Variants in UBE4A observed in about 807,000 individuals in gnomAD.
The protein encoded by UBE4A is ubiquitin conjugation factor E4 A.
UBE4A carries 48 observed loss-of-function variants against 117.9 expected under a neutral mutation model. That is an observed-to-expected ratio of 0.41 (90% CI 0.32 to 0.52). The LOEUF is 0.52. Among genes scored for constraint, UBE4A ranks in the 20% least tolerant of loss-of-function variants. The pLI is 0.33. For missense variants in UBE4A, 1,067 were observed against 1,296.3 expected (o/e 0.82, Z 2.72); for synonymous variants, 407 against 450.0 (o/e 0.90, Z 1.21).
chr11:118,376,552 T>C (rs1355251849), intron 9 of UBE4A, 22 bp from the exon 10 acceptor site: 28 of 1,600,042 alleles, frequency 1.7e-5, no homozygotes, highest in Non-Finnish European at 2.2e-5. Context: ...TTACCCTCTT[T>C]TTTTTTTTTA....
rs531501443 is a variant in UBE4A, at chr11:118,382,327, C to G, written c.2010-262C>G. Among the ~76,000 whole-genome samples the G allele has an allele frequency of 3.6e-3, 553 of 152,142 alleles. 1 individual carries two copies. The highest frequency in any genetic ancestry group is 7.6e-3 in the African/African-American group (315 of 41,526). ...ATTATTACAGAGAAGTAAACAATGG[C>G]TAAGCATTCAATAGAAACTTAAGTG... On this transcript the variant is annotated intron_variant, in intron 12 of 19. Coordinates refer to ENST00000252108, the MANE Select transcript of UBE4A (RefSeq NM_001204077.2).
At chr11:118,390,907 C>G (rs2134111876) in intron 18 of UBE4A, 103 bp downstream of exon 18, 1 of 1,453,296 alleles carries the variant, frequency 6.9e-7, no homozygotes, top group East Asian at 2.5e-5. Flanking sequence ...GAGCCTAAGG[C>G]TAGAGGATCA....
At chr11:118,368,376 T>G (rs1215736743) in intron 2 of UBE4A, among the ~76,000 whole-genome samples, 1 of 152,332 alleles carries the variant, frequency 6.6e-6, no homozygotes, top group East Asian at 1.9e-4. Flanking sequence ...AAGATAACTT[T>G]GCTATTTCTG....
chr11:118,372,274 A>G (rs996346809), intron 5 of UBE4A, among the ~76,000 whole-genome samples: 3 of 152,202 alleles, frequency 2.0e-5, no homozygotes. Flanking sequence ...AAAAGGGCTC[A>G]TGAATTCATT....
In UBE4A at chr11:118,382,673, G is replaced by A. The variant is rs1948716052; in HGVS notation, c.2094G>A (p.Leu698=). 1.2e-6 allele frequency: 2 copies of A among 1,604,264 alleles called. No homozygotes were observed. The change falls in exon 13 of 20, where the codon TTG becomes TTA. Residue 698 remains leucine, a synonymous_variant. Transcript: ENST00000252108. ...MPHLDQTPNP[L]VSSVFHRKRV... The stretch of plus-strand genomic sequence containing the variant: ...ACCTGGATCAGACCCCAAATCCCTT[G>A]GTATCCAGTGTGTTCCACCGGAAAC...
intron 6 of UBE4A, 104 bp downstream of exon 6, chr11:118,372,770 AAATT>A: frequency 1.3e-6 from 2 of 1,524,974 alleles, no homozygotes; most frequent in Admixed American, 2.0e-5. Context: ...GTTCTGGTAT[AAATT>A]AAGGAGGAGG....
Position 118,382,665 on chromosome 11 carries a change from A to T in UBE4A, c.2086A>T (p.Asn696Tyr), listed in dbSNP as rs146188551. ...AVMPHLDQTP[N>Y]PLVSSVFHRK... ...GATGCCCCACCTGGATCAGACCCCA[A>T]ATCCCTTGGTATCCAGTGTGTTCCA... Residue 696 changes from asparagine (N) to tyrosine (Y), a missense_variant, in exon 13 of 20, where the codon AAT (asparagine) becomes TAT (tyrosine). This residue lies in a region of UBE4A where 1,001 missense variants were observed against 1,184.0 expected (regional missense o/e 0.85). Coordinates refer to ENST00000252108, the MANE Select transcript of UBE4A (RefSeq NM_001204077.2). 1 of 1,605,858 alleles carries T rather than the reference A, an allele frequency of 6.2e-7. No homozygotes were observed. Among genetic ancestry groups the T allele is most frequent in the South Asian group, 1.1e-5 (1 of 89,386 alleles).
intron 18 of UBE4A, among the ~76,000 whole-genome samples, chr11:118,392,355 ACT>A (rs879995770): frequency 2.0e-5 from 3 of 152,106 alleles, no homozygotes; most frequent in Admixed American, 2.0e-4. Context: ...TGCATGAGTG[ACT>A]CTAATTATGC....
chr11:118,375,019 A>G lies in UBE4A; in HGVS notation c.1240A>G (p.Thr414Ala), dbSNP rs572068322. The change falls in exon 9 of 20, where the codon ACC becomes GCC. Residue 414 changes from threonine to alanine, a missense_variant. This residue lies in a region of UBE4A where 1,001 missense variants were observed against 1,184.0 expected (regional missense o/e 0.85). Coordinates refer to ENST00000252108, the MANE Select transcript of UBE4A (RefSeq NM_001204077.2). ...GNCLHANAGR[T>A]KIWANQMPEI... ...CTGTTTGCATGCAAATGCAGGCCGC[A>G]CCAAGATTTGGGCCAATCAGATGCC... 1.1e-5 allele frequency: 18 copies of G among 1,614,062 alleles called. No homozygotes were observed. The East Asian group carries it at 3.6e-4, about 32-fold the overall frequency.
rs1335593895 is a variant in UBE4A, at chr11:118,372,542, A to G, written c.597A>G (p.Ala199=). The G allele has an allele frequency of 1.9e-6, 3 of 1,613,058 alleles. No individual in the cohort carries two copies. Among genetic ancestry groups the G allele is most frequent in the Non-Finnish European group, 2.5e-6 (3 of 1,179,790 alleles). Residue 199 remains alanine, a synonymous_variant, in exon 6 of 20, where the codon GCA becomes GCG. Transcript: ENST00000252108. ...TTCCAGAGAACCTGCTACCCTTTGC[A>G]GTGCAGTGCAGAAACCTCACTGTGT... ...TKVPENLLPF[A]VQCRNLTVSN...
At chr11:118,372,963 A>C (rs1948621000) in intron 6 of UBE4A, 123 bp from the exon 7 acceptor site, 1 of 1,003,376 alleles carries the variant, frequency 1.0e-6, no homozygotes, top group African/African-American at 1.6e-5. Context: ...CAGGCTGAGC[A>C]AAAAAACAAG....
At chr11:118,381,221 C>T (rs1555126273) in intron 11 of UBE4A, among the ~76,000 whole-genome samples, 170 bp from the exon 12 acceptor site, 4 of 152,138 alleles carry the variant, frequency 2.6e-5, no homozygotes, top group African/African-American at 9.7e-5. Context: ...AATTGACTTA[C>T]ATTTAAAGGA....
chr11:118,395,547 A>G (rs1555129496), intron 19 of UBE4A, among the ~76,000 whole-genome samples: 1 of 152,230 alleles, frequency 6.6e-6, no homozygotes, highest in Non-Finnish European at 1.5e-5. Context: ...CATAATCTGC[A>G]TGTACTTGCA....
In UBE4A at chr11:118,379,531, G is replaced by T. The variant is rs544649598; in HGVS notation, c.1657G>T (p.Ala553Ser). The change falls in exon 11 of 20, where the codon GCT becomes TCT. Residue 553 changes from alanine to serine, a missense_variant. This residue lies in a region of UBE4A where 1,001 missense variants were observed against 1,184.0 expected (regional missense o/e 0.85). Coordinates refer to ENST00000252108, the MANE Select transcript of UBE4A (RefSeq NM_001204077.2). The part of the protein sequence containing the change: ...WRDAQQSSSP[A>S]ADNLREQFER... ...GGATGCTCAGCAAAGTTCTAGCCCT[G>T]CTGCTGACAATCTTCGTGAGCAGTT... 63 of 1,614,204 alleles carry T rather than the reference G, an allele frequency of 3.9e-5. No individual in the cohort carries two copies. In the Admixed American group the frequency reaches 9.8e-4, roughly 25 times the overall value.
Position 118,390,657 on chromosome 11 carries a change from G to A in UBE4A, c.2769G>A (p.Gly923=), listed in dbSNP as rs1555128213. The change falls in exon 18 of 20, where the codon GGG becomes GGA. Residue 923 remains glycine, a splice_region_variant and synonymous_variant. Transcript: ENST00000252108. ...TTTTTTTCTGATGCTAATGTTCCAG[G>A]GATGAGGAGAATTTCTGTGCCACTG... ...SDICTIYLNL[G]DEENFCATVP... is the part of the protein sequence containing the mutation. 6.6e-7 allele frequency: 1 copy of A among 1,510,298 alleles called. No individual in the cohort carries two copies. Among genetic ancestry groups the A allele is most frequent in the Non-Finnish European group, 8.8e-7 (1 of 1,133,612 alleles). 93.6% of individuals were successfully genotyped at this position (1,510,298 alleles called of 1,614,324 possible).
In UBE4A at chr11:118,379,508, A is replaced by G. The variant is rs1480638146; in HGVS notation, c.1634A>G (p.Asp545Gly). The G allele has an allele frequency of 6.2e-7, 1 of 1,614,148 alleles. No homozygotes were observed. The highest frequency in any genetic ancestry group is 8.5e-7 in the Non-Finnish European group (1 of 1,180,006). ...CATCGGCTGCAGGTTGCCTGGCGGGATGCTCAGCAAAGTTCTAGCCCTGCT... is the reference window on the plus strand; with the variant it reads ...CATCGGCTGCAGGTTGCCTGGCGGGGTGCTCAGCAAAGTTCTAGCCCTGCT... ...NLHRLQVAWR[D>G]AQQSSSPAAD... Residue 545 changes from aspartate to glycine, a missense_variant, in exon 11 of 20, where the codon GAT (aspartate) becomes GGT (glycine). Transcript: ENST00000252108.
At position 118,397,293 on chromosome 11, in the gene UBE4A, C is replaced by G. The variant is rs1455354109; in HGVS notation, c.*853C>G. The G allele has an allele frequency of 1.3e-5, 2 of 152,138 alleles. No individual in the cohort carries two copies. The highest frequency in any genetic ancestry group is 2.9e-5 in the Non-Finnish European group (2 of 68,022). The allele number at this position is 152,138 out of a possible 1,614,324, so 9.4% of individuals were successfully genotyped here. A position where few individuals can be genotyped will look rare whatever the true frequency, so the allele number is the denominator to read the frequency against. The stretch of plus-strand genomic sequence containing the variant: ...TGTGTGAGATATATAAATACACATA[C>G]ACCCCATGTGCTTTTTTGTTGGTTT... On this transcript the variant is annotated 3_prime_UTR_variant, in exon 20 of 20. Coordinates refer to ENST00000252108, the MANE Select transcript of UBE4A (RefSeq NM_001204077.2).
chr11:118,360,283 T>C (rs1309683632), intron 1 of UBE4A, among the ~76,000 whole-genome samples: 1 of 152,220 alleles, frequency 6.6e-6, no homozygotes, highest in Non-Finnish European at 1.5e-5. Flanking sequence ...GGATCAGTTT[T>C]ATGCCCTGAC....
At chr11:118,368,153 A>C (rs1328709294) in intron 2 of UBE4A, among the ~76,000 whole-genome samples, 1 of 152,206 alleles carries the variant, frequency 6.6e-6, no homozygotes, top group Admixed American at 6.5e-5. Context: ...AGTAATGAAT[A>C]TTAGCACCAG....
Sources: gnomAD v4.1 joint callset for allele counts (sites outside exome capture counted in the v4.1 genomes callset) on GRCh38, gnomAD v4.1.1 for gene constraint, gnomAD v4.1.1 regional missense constraint, MANE v1.5 for transcripts, NCBI Gene and HGNC (gene_info 2026-07-23, HGNC 2026-07-21) for gene names.